The following RNGTT variants were observed in gnomAD, a reference collection of about 807,000 sequenced individuals.
RNGTT encodes mRNA-capping enzyme.
A neutral mutation model predicts 79.3 loss-of-function variants in RNGTT; 33 were observed. That is an observed-to-expected ratio of 0.42 (90% CI 0.32 to 0.56). The LOEUF (loss-of-function observed/expected upper bound fraction) is 0.56, where lower values mean the gene tolerates loss of function less well. RNGTT is among the 20% of genes least tolerant of loss of function. RNGTT has a pLI of 0.17. For missense variants in RNGTT, 497 were observed against 739.1 expected (o/e 0.67, Z 3.80); for synonymous variants, 222 against 235.9 (o/e 0.94, Z 0.54).
chr6:88,921,114 C>T (rs1784150915), intron 4 of RNGTT, among the ~76,000 whole-genome samples: 2 of 152,146 alleles, frequency 1.3e-5, no homozygotes, highest in African/African-American at 2.4e-5. Context: ...TCTGAAAATA[C>T]TGTCCTGCTT....
In RNGTT at chr6:88,844,490, A is replaced by G; in HGVS notation, c.1136T>C (p.Val379Ala). Residue 379 changes from valine to alanine, a missense_variant, in exon 11 of 16, where the codon GTT becomes GCT. Around this residue, in one of 3 missense-constraint regions of RNGTT, gnomAD observed 440 missense variants for 671.5 expected, o/e 0.66. Coordinates refer to ENST00000369485, the MANE Select transcript of RNGTT (RefSeq NM_003800.5). ...TTCTCGTTCTATACACTGCAGACGA[A>G]CATTAAAATCACAATCTCCAACGGG... ...SQPVGDCDFN[V>A]RLQCIEREII... 1 of 1,611,352 alleles carries G rather than the reference A, an allele frequency of 6.2e-7. No homozygotes were observed. The highest frequency in any genetic ancestry group is 1.3e-5 in the African/African-American group (1 of 74,906).
At chr6:88,953,005 G>A (rs961196503) in intron 1 of RNGTT, among the ~76,000 whole-genome samples, 1 of 152,180 alleles carries the variant, frequency 6.6e-6, no homozygotes, top group Non-Finnish European at 1.5e-5. Context: ...CACTGAAACA[G>A]TCTACTCAAA....
chr6:88,776,178 C>T (rs556839194), intron 12 of RNGTT, among the ~76,000 whole-genome samples: 1 of 152,312 alleles, frequency 6.6e-6, no homozygotes, highest in African/African-American at 2.4e-5. Context: ...TTACTCTCCA[C>T]ACCTTCACCA....
intron 4 of RNGTT, among the ~76,000 whole-genome samples, chr6:88,919,477 C>T (rs188610605): frequency 6.6e-6 from 1 of 152,218 alleles, no homozygotes; most frequent in East Asian, 1.9e-4. Context: ...AAAGCCTGAT[C>T]TCAACATACA....
At chr6:88,719,109 T>C (rs1776620380) in intron 13 of RNGTT, among the ~76,000 whole-genome samples, 1 of 152,170 alleles carries the variant, frequency 6.6e-6, no homozygotes, top group African/African-American at 2.4e-5. Flanking sequence ...TAGGACCACT[T>C]AGTGTAAGTG....
intron 2 of RNGTT, among the ~76,000 whole-genome samples, chr6:88,930,450 G>A (rs766289394): frequency 2.3e-4 from 35 of 151,664 alleles, no homozygotes; most frequent in South Asian, 2.1e-4. Flanking sequence ...CAAGAGGATC[G>A]CTTGAAAAAC....
intron 14 of RNGTT, among the ~76,000 whole-genome samples, chr6:88,675,429 T>A (rs980870555): frequency 2.0e-5 from 3 of 152,198 alleles, no homozygotes; most frequent in Admixed American, 6.5e-5. Flanking sequence ...TGGTGGCTCA[T>A]GCCTGTAATC....
chr6:88,756,938 T>C (rs1044858577), intron 13 of RNGTT, among the ~76,000 whole-genome samples: 1 of 152,158 alleles, frequency 6.6e-6, no homozygotes, highest in Non-Finnish European at 1.5e-5. Flanking sequence ...ATCCTCAGAC[T>C]AAAACCCTAA....
chr6:88,702,987 A>G (rs529146093), intron 13 of RNGTT, among the ~76,000 whole-genome samples: 18 of 152,340 alleles, frequency 1.2e-4, no homozygotes, highest in Non-Finnish European at 2.4e-4. Flanking sequence ...AATGCAAATC[A>G]AAACCAAAAT....
At chr6:88,804,719 A>T (rs1475231460) in intron 11 of RNGTT, among the ~76,000 whole-genome samples, 2 of 145,668 alleles carry the variant, frequency 1.4e-5, no homozygotes, top group Non-Finnish European at 3.0e-5. Context: ...TACAATTCTT[A>T]AAAAAAAAAA....
chr6:88,903,610 G>A (rs1274770400), intron 6 of RNGTT, among the ~76,000 whole-genome samples: 1 of 152,064 alleles, frequency 6.6e-6, no homozygotes, highest in East Asian at 1.9e-4. Flanking sequence ...ATGTGTAAAT[G>A]CAATTAAAAC....
chr6:88,856,538 G>A (rs1252807309), intron 8 of RNGTT, among the ~76,000 whole-genome samples: 1 of 152,044 alleles, frequency 6.6e-6, no homozygotes, highest in African/African-American at 2.4e-5. Flanking sequence ...AAAGACTAAG[G>A]AAGAAAAAGC....
intron 1 of RNGTT, among the ~76,000 whole-genome samples, chr6:88,949,159 G>GAAAAAAAAAAAAAAAAAAAGAA (rs1785149600): frequency 2.0e-5 from 1 of 50,514 alleles, no homozygotes; most frequent in Non-Finnish European, 3.9e-5. Flanking sequence ...AAAATAAAAT[G>GAAAAAAAAAAAAAAAAAAAGAA]AAAAAAAAAA....
At position 88,823,098 on chromosome 6, in the gene RNGTT, G is replaced by A. The variant is rs112506586; in HGVS notation, c.1269+21259C>T. The stretch of plus-strand genomic sequence containing the variant: ...AAGAAAAATAATTCATAAATCAAAC[G>A]AGTGAATTAATAACTTCTGCTATCA... On this transcript the variant is annotated intron_variant, in intron 11 of 15. Transcript: ENST00000369485. Among the ~76,000 whole-genome samples the A allele has an allele frequency of 1.8e-3, 278 of 152,232 alleles. 3 individuals are homozygous for A. The highest frequency in any genetic ancestry group is 6.5e-3 in the African/African-American group (269 of 41,548).
intron 13 of RNGTT, among the ~76,000 whole-genome samples, chr6:88,735,952 A>G (rs1458868719): frequency 2.0e-5 from 3 of 152,154 alleles, no homozygotes; most frequent in Admixed American, 6.5e-5. Flanking sequence ...CAAGAAGAAA[A>G]AAACAGAAGG....
intron 8 of RNGTT, among the ~76,000 whole-genome samples, chr6:88,889,275 G>T (rs1782967692): frequency 6.6e-6 from 1 of 151,996 alleles, no homozygotes; most frequent in Non-Finnish European, 1.5e-5. Context: ...TAAAATGAAT[G>T]AAAATATTTT....
chr6:88,698,291 C>CATATATATATGAA (rs1443361967), intron 13 of RNGTT, among the ~76,000 whole-genome samples: 1 of 89,666 alleles, frequency 1.1e-5, no homozygotes, highest in African/African-American at 7.6e-5. Context: ...TCATATATAT[C>CATATATATATGAA]ATATATATAT....
chr6:88,616,142 T>A (rs1478950887), intron 14 of RNGTT, among the ~76,000 whole-genome samples: 1 of 152,224 alleles, frequency 6.6e-6, no homozygotes, highest in Non-Finnish European at 1.5e-5. Flanking sequence ...CTTAGCATAA[T>A]GTCCTTGAGG....
chr6:88,827,796 C>T (rs975383765), intron 11 of RNGTT, among the ~76,000 whole-genome samples: 1 of 152,120 alleles, frequency 6.6e-6, no homozygotes, highest in Admixed American at 6.5e-5. Context: ...CTGGGCAGAC[C>T]CCACCTCAGC....
Sources: allele counts gnomAD v4.1 joint callset (sites outside exome capture counted in the v4.1 genomes callset), GRCh38; gene constraint gnomAD v4.1.1; regional missense constraint gnomAD v4.1.1; transcripts MANE v1.5; gene names NCBI Gene and HGNC (gene_info 2026-07-23, HGNC 2026-07-21).